Variants in SLC30A8 observed in about 807,000 individuals in gnomAD.
SLC30A8 encodes the protein proton-coupled zinc antiporter SLC30A8.
In SLC30A8, 27 loss-of-function variants were observed where a neutral mutation model predicts 36.9. That is an observed-to-expected ratio of 0.73 (90% confidence interval 0.54 to 1.01). The LOEUF is 1.01. Among genes scored for constraint, SLC30A8 ranks in the 50% least tolerant of loss-of-function variants. The probability of loss-of-function intolerance (pLI) is 0.00; values close to 1 mark genes in which losing one functional copy is unlikely to be tolerated. For synonymous variants in SLC30A8, 164 were observed against 172.4 expected (o/e 0.95, Z 0.38); for missense variants, 439 against 452.0 (o/e 0.97, Z 0.26).
intron 1 of SLC30A8, among the ~76,000 whole-genome samples, chr8:116,975,403 G>C (rs1412419102): frequency 6.6e-6 from 1 of 152,106 alleles, no homozygotes; most frequent in East Asian, 1.9e-4. Context: ...ATAGAAATTA[G>C]TGCCTAAATT....
chr8:117,135,542 T>C (rs1821323648), intron 1 of SLC30A8, 144 bp downstream of exon 1: 1 of 515,520 alleles, frequency 1.9e-6, no homozygotes, highest in Admixed American at 3.3e-5. Flanking sequence ...CTGACATGTA[T>C]TTTATATTCT....
chr8:117,163,471 TC>T lies in SLC30A8; in HGVS notation c.772del (p.Leu258TrpfsTer10), dbSNP rs1200429469. On this transcript the variant is annotated frameshift_variant, in exon 6 of 8. Coordinates refer to ENST00000456015, the MANE Select transcript of SLC30A8 (RefSeq NM_173851.3). LOFTEE classifies it high-confidence loss of function. Reference sequence around the variant, plus strand: ...CCAATCTGCACATTCATCTTTTCCATCCTGGTCTTGGCCAGCACCATCACTA... The same window carrying T: ...CCAATCTGCACATTCATCTTTTCCATCTGGTCTTGGCCAGCACCATCACTA... ...ADPICTFIFS[I>X]LVLASTITIL... 6 of 1,613,714 alleles carry T rather than the reference TC, an allele frequency of 3.7e-6. No homozygotes were observed. The highest frequency in any genetic ancestry group is 5.1e-6 in the Non-Finnish European group (6 of 1,179,756).
At chr8:117,124,562 G>A (rs1184216405) in intron 2 of SLC30A8, among the ~76,000 whole-genome samples, 2 of 149,948 alleles carry the variant, frequency 1.3e-5, no homozygotes, top group Non-Finnish European at 3.0e-5. Flanking sequence ...TATGACTTTC[G>A]CTCTCAACCC....
intron 1 of SLC30A8, among the ~76,000 whole-genome samples, chr8:117,023,844 C>T (rs887043321): frequency 2.0e-5 from 3 of 151,872 alleles, no homozygotes; most frequent in African/African-American, 4.8e-5. Flanking sequence ...ACATTGTGCA[C>T]ATGTACCCTA....
chr8:117,171,134 G>T lies in SLC30A8; in HGVS notation c.930G>T (p.Met310Ile). ...VHSLHIWSLT[M>I]NQVILSAHVA... The stretch of plus-strand genomic sequence containing the variant: ...GCCTGCACATCTGGTCTCTAACAAT[G>T]AATCAAGTAATTCTCTCAGCTCATG... The change falls in exon 7 of 8, where the codon ATG (methionine) becomes ATT (isoleucine). Residue 310 changes from methionine to isoleucine, a missense_variant. Met to Ile is a conservative substitution (Grantham distance 10, BLOSUM62 1). Coordinates refer to ENST00000456015, the MANE Select transcript of SLC30A8 (RefSeq NM_173851.3). 1.2e-6 allele frequency: 2 copies of T among 1,613,548 alleles called. No homozygotes were observed. Among genetic ancestry groups the T allele is most frequent in the Middle Eastern group, 1.7e-4 (1 of 6,050 alleles).
intron 2 of SLC30A8, among the ~76,000 whole-genome samples, chr8:117,073,637 G>A (rs1818400483): frequency 6.6e-6 from 1 of 152,124 alleles, no homozygotes; most frequent in Non-Finnish European, 1.5e-5. Flanking sequence ...AATTTCCTCT[G>A]CAATCTGGTC....
At chr8:117,090,462 A>G (rs1270129298) in intron 2 of SLC30A8, among the ~76,000 whole-genome samples, 1 of 152,196 alleles carries the variant, frequency 6.6e-6, no homozygotes. Flanking sequence ...TATTTCTCAC[A>G]GTTCTGGAGA....
At chr8:117,105,989 C>T (rs557237782) in intron 2 of SLC30A8, among the ~76,000 whole-genome samples, 2 of 152,144 alleles carry the variant, frequency 1.3e-5, no homozygotes, top group African/African-American at 2.4e-5. Flanking sequence ...TTTCAATGTA[C>T]ATCATACTTT....
chr8:117,070,431 G>A (rs1004793028), intron 2 of SLC30A8, among the ~76,000 whole-genome samples: 1 of 152,170 alleles, frequency 6.6e-6, no homozygotes, highest in African/African-American at 2.4e-5. Context: ...TACTTGGCTG[G>A]TCAGGGCAGC....
At chr8:117,026,908 TG>T (rs1313128698) in intron 1 of SLC30A8, among the ~76,000 whole-genome samples, 3 of 152,046 alleles carry the variant, frequency 2.0e-5, no homozygotes, top group African/African-American at 7.2e-5. Flanking sequence ...ACATAGCTGG[TG>T]GGGTAGCAGA....
intron 1 of SLC30A8, among the ~76,000 whole-genome samples, chr8:117,141,384 T>C (rs1445682817): frequency 6.6e-6 from 1 of 152,134 alleles, no homozygotes; most frequent in Non-Finnish European, 1.5e-5. Flanking sequence ...TACAAAGTGA[T>C]ACAACATATT....
chr8:116,951,932 G>A (rs960815014), intron 1 of SLC30A8, among the ~76,000 whole-genome samples: 1 of 151,974 alleles, frequency 6.6e-6, no homozygotes, highest in Non-Finnish European at 1.5e-5. Flanking sequence ...AATTCAATAA[G>A]ATATTATGAT....
chr8:117,116,266 A>C (rs1177207300), intron 2 of SLC30A8, among the ~76,000 whole-genome samples: 1 of 152,062 alleles, frequency 6.6e-6, no homozygotes, highest in Non-Finnish European at 1.5e-5. Flanking sequence ...TTTGATTAGA[A>C]GTGACAGAAT....
rs1220844674 is a variant in SLC30A8, at chr8:117,176,105, T to C, written c.*3424T>C. 6.6e-6 allele frequency: 1 copy of C among 152,122 alleles called. No individual in the cohort carries two copies. The highest frequency in any genetic ancestry group is 1.5e-5 in the Non-Finnish European group (1 of 68,006). The allele number at this position is 152,122 out of a possible 1,614,324, so 9.4% of individuals were successfully genotyped here. ...TCTGTCATGTAGCCTCAACTTTCTC[T>C]GACCGGGTGCATTTCTTTCTCTGGT... On this transcript the variant is annotated 3_prime_UTR_variant, in exon 8 of 8. Transcript: ENST00000456015.
At chr8:117,085,410 C>T (rs532343514) in intron 2 of SLC30A8, among the ~76,000 whole-genome samples, 6 of 152,146 alleles carry the variant, frequency 3.9e-5, no homozygotes, top group African/African-American at 1.4e-4. Flanking sequence ...TACTCATCCT[C>T]TAGCGATTTC....
chr8:117,051,878 C>T (rs533062413), intron 2 of SLC30A8, among the ~76,000 whole-genome samples: 103 of 152,248 alleles, frequency 6.8e-4, no homozygotes, highest in African/African-American at 2.4e-3. Flanking sequence ...GTTTTGCTCC[C>T]TCTCTCACCA....
intron 1 of SLC30A8, among the ~76,000 whole-genome samples, chr8:116,993,519 A>G (rs1586372563): frequency 6.6e-6 from 1 of 152,086 alleles, no homozygotes; most frequent in Non-Finnish European, 1.5e-5. Context: ...AAGAGAAAAG[A>G]CAGACCCAGA....
intron 2 of SLC30A8, among the ~76,000 whole-genome samples, chr8:117,054,811 A>G (rs1817820509): frequency 6.6e-6 from 1 of 152,172 alleles, no homozygotes; most frequent in Admixed American, 6.5e-5. Context: ...TTTGACAAAA[A>G]CCATGAGCTA....
At chr8:116,965,883 A>T (rs1302954650) in intron 1 of SLC30A8, among the ~76,000 whole-genome samples, 3 of 148,752 alleles carry the variant, frequency 2.0e-5, no homozygotes, top group African/African-American at 5.0e-5. Flanking sequence ...AATTTTTTTT[A>T]ATTTTTTTTT....
Sources: allele counts gnomAD v4.1 joint callset (sites outside exome capture counted in the v4.1 genomes callset), GRCh38; gene constraint gnomAD v4.1.1; transcripts MANE v1.5; gene names NCBI Gene and HGNC (gene_info 2026-07-23, HGNC 2026-07-21).